USP35: variants seen among roughly 807,000 people sequenced by gnomAD.
The protein encoded by USP35 is ubiquitin specific peptidase 35, also known as ubiquitin carboxyl-terminal hydrolase 35.
Under a neutral mutation model 83.8 loss-of-function variants are expected in USP35, and 69 were observed. The observed-to-expected ratio is 0.82, with a 90% CI of 0.68 to 1.01. USP35 has a LOEUF of 1.01. Ranked by LOEUF, USP35 falls within the 50% of genes least tolerant of loss-of-function variation. The probability of loss-of-function intolerance (pLI) is 0.00; values close to 1 mark genes in which losing one functional copy is unlikely to be tolerated. For synonymous variants in USP35, 714 were observed against 589.5 expected, an observed-to-expected ratio of 1.21 and a Z score of -3.06; for missense variants, 1,503 against 1,362.5, an observed-to-expected ratio of 1.10 and a Z score of -1.62.
the USP35 span, among the ~76,000 whole-genome samples, chr11:78,227,631 C>CAAAAAAAAAAA: frequency 3.5e-3 from 372 of 105,920 alleles, 6 homozygotes; most frequent in Middle Eastern, 0.01. Context: ...CCATTGCCAC[C>CAAAAAAAAAAA]AAAAAAAAAA....
chr11:78,205,122 C>A (rs1163888423), intron 6 of USP35, among the ~76,000 whole-genome samples: 1 of 152,216 alleles, frequency 6.6e-6, no homozygotes, highest in African/African-American at 2.4e-5. Flanking sequence ...TGGTGGTATT[C>A]TTAGGTGCTG....
At position 78,215,199 on chromosome 11, in the gene USP35, AATT is replaced by A. The variant is rs149799923; in HGVS notation, c.*1390_*1392del. The A allele has an allele frequency of 6.6e-6, 1 of 152,266 alleles. No homozygotes were observed. Among genetic ancestry groups the A allele is most frequent in the Non-Finnish European group, 1.5e-5 (1 of 67,826 alleles). The allele number at this position is 152,266 out of a possible 1,614,324, so 9.4% of individuals were successfully genotyped here. A position where few individuals can be genotyped will look rare whatever the true frequency, so the allele number is the denominator to read the frequency against. On this transcript the variant is annotated 3_prime_UTR_variant, in exon 11 of 11. Transcript: ENST00000529308. The stretch of plus-strand genomic sequence containing the variant: ...TTATTCACAGCCAAGAAAAATACCC[AATT>A]ATTTCCAAATAAAGCAAAAATTGGA...
chr11:78,226,368 T>A, the USP35 span: 1 of 972,382 alleles, frequency 1.0e-6, no homozygotes, highest in Non-Finnish European at 1.7e-6. Context: ...GGTTCGTAAG[T>A]TCCCCTCGGC....
chr11:78,198,684 C>T, intron 3 of USP35: 10 of 985,422 alleles, frequency 1.0e-5, no homozygotes, highest in Non-Finnish European at 1.2e-5. Flanking sequence ...TCCTGGATTC[C>T]TTGCCTTTAG....
downstream of USP35, chr11:78,219,459 A>T (rs759477624): frequency 6.3e-7 from 1 of 1,593,098 alleles, no homozygotes; most frequent in African/African-American, 1.3e-5. Context: ...GTGAGTTACC[A>T]GTTAGGTGGG....
At chr11:78,225,178 T>C in the USP35 span, 1 of 1,611,476 alleles carries the variant, frequency 6.2e-7, no homozygotes, top group Non-Finnish European at 8.5e-7. Context: ...ACGCTGTGGG[T>C]ACTCGTAGGT....
chr11:78,203,696 A>G lies in USP35; in HGVS notation c.1198-2146A>G, dbSNP rs192573969. Among the ~76,000 whole-genome samples the G allele has an allele frequency of 6.3e-3, 953 of 150,136 alleles. 11 individuals carry two copies. The highest frequency in any genetic ancestry group is 0.022 in the African/African-American group (895 of 40,618). ...CAGGTTCACGCCATTCTCTTGCCTC[A>G]GCCTCCTGAGTAGCTGGGACTACAG... On this transcript the variant is annotated intron_variant, in intron 6 of 10. Coordinates refer to ENST00000529308, the MANE Select transcript of USP35 (RefSeq NM_020798.4).
chr11:78,222,562 T>C, the USP35 span, among the ~76,000 whole-genome samples: 1 of 148,540 alleles, frequency 6.7e-6, no homozygotes, highest in African/African-American at 2.4e-5. Context: ...TATAAAAATA[T>C]ATACTATTTA....
At chr11:78,218,926 A>T, downstream of USP35, 1 of 217,964 alleles carries the variant, frequency 4.6e-6, no homozygotes. Flanking sequence ...AATCTGGCTC[A>T]GAGCCCCAGC....
chr11:78,202,875 A>T (rs1017098533), intron 6 of USP35, among the ~76,000 whole-genome samples: 1 of 152,194 alleles, frequency 6.6e-6, no homozygotes, highest in Non-Finnish European at 1.5e-5. Flanking sequence ...TAGACAGGAA[A>T]CAGTGAGCTT....
At chr11:78,205,716 G>GT (rs1434240398) in intron 6 of USP35, 126 bp from the exon 7 acceptor site, 12 of 1,010,984 alleles carry the variant, frequency 1.2e-5, no homozygotes, top group African/African-American at 1.6e-5. Context: ...CAGAACATCT[G>GT]TGGGGGGGTG....
rs761265262 is a variant in USP35, at chr11:78,213,786, T to C, written c.3030T>C (p.Gly1010=). The change falls in exon 11 of 11, where the codon GGT becomes GGC. Residue 1010 remains glycine (G), a synonymous_variant. Coordinates refer to ENST00000529308, the MANE Select transcript of USP35 (RefSeq NM_020798.4). ...PGGCNPAGGN[G]GDFHRLVF The stretch of plus-strand genomic sequence containing the variant: ...GCTGCAATCCTGCAGGTGGCAATGG[T>C]GGTGACTTCCACAGACTGGTCTTCT... 12 of 1,551,162 alleles carry C rather than the reference T, an allele frequency of 7.7e-6. No individual in the cohort carries two copies. In the Middle Eastern group the frequency reaches 5.1e-4, roughly 66 times the overall value.
rs540601589 is a variant in USP35, at chr11:78,199,511, A to T, written c.807-84A>T. 119 of 1,583,204 alleles carry T rather than the reference A, an allele frequency of 7.5e-5. No homozygotes were observed. The East Asian group carries it at 1.9e-3, about 26-fold the overall frequency. On this transcript the variant is annotated intron_variant, in intron 3 of 10. Coordinates refer to ENST00000529308, the MANE Select transcript of USP35 (RefSeq NM_020798.4). ...GTGTGAGTCAATGTGGGAACCCAGGACATTACGGATAGCCCCTGGGCTGCC... is the reference window on the plus strand; with the variant it reads ...GTGTGAGTCAATGTGGGAACCCAGGTCATTACGGATAGCCCCTGGGCTGCC...
chr11:78,236,129 T>C, the USP35 span, among the ~76,000 whole-genome samples: 1 of 152,240 alleles, frequency 6.6e-6, no homozygotes, highest in Admixed American at 6.5e-5. Context: ...CAGCAACATT[T>C]GATAGTTTTC....
At chr11:78,195,164 C>T (rs967054019) in intron 1 of USP35, among the ~76,000 whole-genome samples, 22 of 152,130 alleles carry the variant, frequency 1.4e-4, no homozygotes. Context: ...GGGACCCATA[C>T]CCCACCAGCA....
Position 78,210,528 on chromosome 11 carries a change from C to A in USP35, c.2673C>A (p.Tyr891Ter). 3 of 1,613,770 alleles carry A rather than the reference C, an allele frequency of 1.9e-6. No individual in the cohort carries two copies. The highest frequency in any genetic ancestry group is 2.5e-6 in the Non-Finnish European group (3 of 1,179,674). ...GGCCAGAGCCCGAGAACCAGTGGTA[C>A]CTGTTCAATGACACTCGGGTGTCCT... ...ADRPEPENQW[Y>*]LFNDTRVSFS... The change falls in exon 10 of 11, where the codon TAC (tyrosine) becomes TAA (stop). Residue 891 changes from tyrosine (Y) to a stop codon, truncating the protein, a stop_gained. Coordinates refer to ENST00000529308, the MANE Select transcript of USP35 (RefSeq NM_020798.4). LOFTEE classifies it high-confidence loss of function.
chr11:78,195,721 A>G (rs928210965), intron 1 of USP35, among the ~76,000 whole-genome samples: 1 of 152,178 alleles, frequency 6.6e-6, no homozygotes, highest in Non-Finnish European at 1.5e-5. Flanking sequence ...CTTAGCAACC[A>G]TAGCTACAAG....
At chr11:78,231,412 A>T in the USP35 span, among the ~76,000 whole-genome samples, 9 of 150,866 alleles carry the variant, frequency 6.0e-5, no homozygotes, top group Non-Finnish European at 1.3e-4. Context: ...GCAGTGATGC[A>T]ATCTTGGCTC....
chr11:78,212,750 C>G (rs1863837235), intron 10 of USP35, among the ~76,000 whole-genome samples: 2 of 152,180 alleles, frequency 1.3e-5, no homozygotes, highest in South Asian at 4.1e-4. Flanking sequence ...TATGTATCAT[C>G]TTGAGAGTTG....
Sources: gnomAD v4.1 joint callset for allele counts (sites outside exome capture counted in the v4.1 genomes callset) on GRCh38, gnomAD v4.1.1 for gene constraint, MANE v1.5 for transcripts, NCBI Gene and HGNC (gene_info 2026-07-23, HGNC 2026-07-21) for gene names.